The following FAM81A variants were observed in gnomAD, a reference collection of about 807,000 sequenced individuals.
The protein encoded by FAM81A is protein FAM81A.
A neutral mutation model predicts 46.7 loss-of-function variants in FAM81A; 19 were observed. That is an observed-to-expected ratio of 0.41 (90% CI 0.28 to 0.60). The LOEUF is 0.60. Among genes scored for constraint, FAM81A ranks in the 20% least tolerant of loss-of-function variants. The probability of loss-of-function intolerance (pLI) is 0.34; values close to 1 mark genes in which losing one functional copy is unlikely to be tolerated. For missense variants in FAM81A, 377 were observed against 453.5 expected (o/e 0.83, Z 1.53); for synonymous variants, 183 against 152.9 (o/e 1.20, Z -1.45).
intron 1 of FAM81A, among the ~76,000 whole-genome samples, chr15:59,454,292 A>C (rs1384417805): frequency 6.6e-6 from 1 of 152,222 alleles, no homozygotes; most frequent in Non-Finnish European, 1.5e-5. Context: ...AACTGTTTTT[A>C]CATGATTGGT....
intron 2 of FAM81A, among the ~76,000 whole-genome samples, chr15:59,459,077 G>C (rs1375060073): frequency 2.0e-5 from 3 of 152,214 alleles, no homozygotes; most frequent in Non-Finnish European, 4.4e-5. Flanking sequence ...GCTCACTGCA[G>C]CCTTGACCTC....
At position 59,405,826 on chromosome 15, in the gene FAM81A, C is replaced by G. The variant is rs376856462; in HGVS notation, c.-78+3468C>G. ...ATCTCATTTTGCTCCCAATAGTCAG[C>G]CTTGACTTTTCTGGGCTTACCTGGG... On this transcript the variant is annotated intron_variant, in intron 2 of 4. Coordinates refer to the FAM81A transcript ENST00000558348. Among the ~76,000 whole-genome samples the G allele has an allele frequency of 2.6e-5, 4 of 152,148 alleles. No homozygotes were observed. In the East Asian group the frequency reaches 5.8e-4, roughly 22 times the overall value.
chr15:59,463,901 A>G (rs1299925188), intron 3 of FAM81A, among the ~76,000 whole-genome samples: 1 of 152,070 alleles, frequency 6.6e-6, no homozygotes, highest in Non-Finnish European at 1.5e-5. Context: ...GTTTCAATAC[A>G]TCTAATATGC....
intron 3 of FAM81A, among the ~76,000 whole-genome samples, chr15:59,472,188 A>T (rs2081702317): frequency 6.6e-6 from 1 of 152,116 alleles, no homozygotes. Context: ...AAACCTGAGC[A>T]GGCTGGGCTG....
chr15:59,496,381 C>A (rs1257215222), intron 4 of FAM81A, among the ~76,000 whole-genome samples: 1 of 151,860 alleles, frequency 6.6e-6, no homozygotes, highest in Admixed American at 6.6e-5. Context: ...CCGAGGCGGG[C>A]AGATCAGGAG....
At chr15:59,520,983 C>A (rs1410789859) in intron 8 of FAM81A, among the ~76,000 whole-genome samples, 1 of 152,160 alleles carries the variant, frequency 6.6e-6, no homozygotes, top group African/African-American at 2.4e-5. Context: ...GTTGTTTCTC[C>A]CAGTATGGGT....
At chr15:59,399,629 A>G (rs945231655) in intron 1 of FAM81A, among the ~76,000 whole-genome samples, 3 of 152,182 alleles carry the variant, frequency 2.0e-5, no homozygotes, top group Non-Finnish European at 4.4e-5. Flanking sequence ...TGAGGCCACA[A>G]GAATGAAGAA....
chr15:59,449,776 T>C (rs1427656876), intron 1 of FAM81A, among the ~76,000 whole-genome samples: 7 of 75,182 alleles, frequency 9.3e-5, no homozygotes, highest in East Asian at 4.4e-4. Context: ...AGCGAGACTC[T>C]GTCTCAAAAA....
intron 2 of FAM81A, among the ~76,000 whole-genome samples, chr15:59,432,335 GATA>G: frequency 6.6e-6 from 1 of 152,324 alleles, no homozygotes; most frequent in East Asian, 1.9e-4. Context: ...AGAAATCAGA[GATA>G]ATGTTAAAAT....
At chr15:59,433,140 C>CA (rs552850890) in intron 2 of FAM81A, among the ~76,000 whole-genome samples, 4,571 of 42,124 alleles carry the variant, frequency 0.11, 564 homozygotes, top group African/African-American at 0.18. Flanking sequence ...GACTCCGTCT[C>CA]AAAAAAAAAA....
upstream of FAM81A, among the ~76,000 whole-genome samples, chr15:59,437,266 G>A (rs1401156688): frequency 1.3e-5 from 2 of 152,162 alleles, no homozygotes; most frequent in Non-Finnish European, 2.9e-5. Context: ...GCTCAGGCTG[G>A]GGCGGGGTGG....
chr15:59,462,047 C>T (rs2081557663), intron 3 of FAM81A, among the ~76,000 whole-genome samples: 2 of 151,794 alleles, frequency 1.3e-5, no homozygotes, highest in African/African-American at 4.8e-5. Context: ...ACTAAAAACA[C>T]AAAAAATTAG....
rs537046691 is a variant in FAM81A at position 59,451,777 on chromosome 15, C to T, written c.-77-6773C>T. ...CACCAATACATTTTGTCTCTTCAAG[C>T]TCTGCTTTTAGTAGACATGCTGTGT... On this transcript the variant is annotated intron_variant, in intron 1 of 8. Coordinates refer to ENST00000288228, the MANE Select transcript of FAM81A (RefSeq NM_152450.3). 7.9e-5 allele frequency among the ~76,000 whole-genome samples: 12 copies of T among 151,158 alleles called. No homozygotes were observed. The South Asian group carries it at 2.5e-3, about 32-fold the overall frequency.
intron 4 of FAM81A, among the ~76,000 whole-genome samples, chr15:59,492,887 A>T (rs2081996293): frequency 6.6e-6 from 1 of 152,148 alleles, no homozygotes. Flanking sequence ...ACCTTGTTAG[A>T]AATGTACTGT....
At position 59,495,126 on chromosome 15, in the gene FAM81A, A is replaced by G. The variant is rs545890652; in HGVS notation, c.413+2737A>G. On this transcript the variant is annotated intron_variant, in intron 4 of 8. Transcript: ENST00000288228. ...CACACAGTCATGTAGTCATCACCAC[A>G]ATCGATTTCAGAACGTTTTTATCAT... 2.6e-5 allele frequency among the ~76,000 whole-genome samples: 4 copies of G among 152,286 alleles called. No individual in the cohort carries two copies. The South Asian group carries it at 8.3e-4, about 32-fold the overall frequency.
At chr15:59,429,354 A>T (rs2081209734) in intron 2 of FAM81A, among the ~76,000 whole-genome samples, 1 of 152,046 alleles carries the variant, frequency 6.6e-6, no homozygotes, top group South Asian at 2.1e-4. Context: ...ATTATAAGAA[A>T]TTTTCTTCTA....
intron 3 of FAM81A, among the ~76,000 whole-genome samples, chr15:59,473,276 T>A (rs2081720872): frequency 6.6e-6 from 1 of 152,164 alleles, no homozygotes; most frequent in Non-Finnish European, 1.5e-5. Flanking sequence ...AGTTTTAAAT[T>A]GTGTGCCATT....
intron 1 of FAM81A, among the ~76,000 whole-genome samples, chr15:59,449,791 A>G (rs1274384169): frequency 1.3e-5 from 2 of 148,826 alleles, no homozygotes; most frequent in Non-Finnish European, 3.0e-5. Context: ...CAAAAAAAAA[A>G]AAAAAAAAAA....
At chr15:59,438,097 C>T (rs1215956398), upstream of FAM81A, 2 of 146,540 alleles carry the variant, frequency 1.4e-5, no homozygotes, top group African/African-American at 4.9e-5. Context: ...GGCTCGCGCC[C>T]CCCGGGAGCC....
Sources: gnomAD v4.1 joint callset for allele counts (sites outside exome capture counted in the v4.1 genomes callset) on GRCh38, gnomAD v4.1.1 for gene constraint, MANE v1.5 for transcripts, NCBI Gene and HGNC (gene_info 2026-07-23, HGNC 2026-07-21) for gene names.